Variants in GAB1 observed in about 807,000 individuals in gnomAD.
GAB1 encodes the protein GRB2 associated binding protein 1.
GAB1 carries 19 observed loss-of-function variants against 66.5 expected under a neutral mutation model. That is an observed-to-expected ratio of 0.29 (90% CI 0.20 to 0.42). GAB1 has a LOEUF of 0.42. GAB1 is among the 10% of genes least tolerant of loss of function. GAB1 has a pLI of 1.00. For synonymous variants in GAB1, 294 were observed against 301.4 expected (o/e 0.98, Z 0.25); for missense variants, 732 against 858.5 (o/e 0.85, Z 1.84).
chr4:143,336,977 G>A lies in GAB1; in HGVS notation c.-212G>A, dbSNP rs1728671798. 6.3e-6 allele frequency: 3 copies of A among 477,792 alleles called. No homozygotes were observed. Among genetic ancestry groups the A allele is most frequent in the Non-Finnish European group, 1.1e-5 (3 of 269,778 alleles). 29.6% of individuals were successfully genotyped at this position (477,792 alleles called of 1,614,324 possible). A position where few individuals can be genotyped will look rare whatever the true frequency, so the allele number is the denominator to read the frequency against. The stretch of plus-strand genomic sequence containing the variant: ...AGGAGGCCGGCGCGCCCGCGGCCCC[G>A]GCTCGCGTTCTGTTCAGGTTCGTGG... On this transcript the variant is annotated 5_prime_UTR_variant, in exon 1 of 10. Transcript: ENST00000262994.
At chr4:143,397,938 C>T (rs1206783185) in intron 1 of GAB1, among the ~76,000 whole-genome samples, 3 of 152,054 alleles carry the variant, frequency 2.0e-5, no homozygotes, top group African/African-American at 7.3e-5. Flanking sequence ...GGGTTTTGTC[C>T]AAAGGGAAAA....
chr4:143,383,189 T>A (rs1479825124), intron 1 of GAB1, among the ~76,000 whole-genome samples: 1 of 152,210 alleles, frequency 6.6e-6, no homozygotes, highest in African/African-American at 2.4e-5. Context: ...TTGTAATGAC[T>A]CTGGCCCACT....
At chr4:143,390,395 A>C (rs1003763047) in intron 1 of GAB1, among the ~76,000 whole-genome samples, 4 of 151,986 alleles carry the variant, frequency 2.6e-5, no homozygotes, top group African/African-American at 9.7e-5. Flanking sequence ...ATAATTTGTA[A>C]AGTAATAAGT....
chr4:143,463,445 A>G (rs1735605755), intron 8 of GAB1, among the ~76,000 whole-genome samples: 1 of 152,042 alleles, frequency 6.6e-6, no homozygotes, highest in African/African-American at 2.4e-5. Flanking sequence ...CAACATGGAT[A>G]AACCCCGTCT....
intron 1 of GAB1, among the ~76,000 whole-genome samples, chr4:143,338,713 G>GTGTGTGTGTA (rs1728736607): frequency 5.5e-5 from 1 of 18,108 alleles, no homozygotes; most frequent in South Asian, 9.6e-4. Flanking sequence ...AAAGGTAGGG[G>GTGTGTGTGTA]TGTGTGTGTG....
At chr4:143,387,116 G>T (rs1730952976) in intron 1 of GAB1, among the ~76,000 whole-genome samples, 2 of 151,264 alleles carry the variant, frequency 1.3e-5, no homozygotes, top group African/African-American at 4.9e-5. Context: ...GCAGGTGATT[G>T]GTTTTTTGTT....
Position 143,425,656 on chromosome 4 carries a change from G to C in GAB1, c.368-7835G>C, listed in dbSNP as rs1733313599. 6.6e-6 allele frequency: 5 copies of C among 760,860 alleles called. No individual in the cohort carries two copies. In the Admixed American group the frequency reaches 8.5e-5, roughly 13 times the overall value. The allele number at this position is 760,860 out of a possible 1,614,324, so 47.1% of individuals were successfully genotyped here. A position where few individuals can be genotyped will look rare whatever the true frequency, so the allele number is the denominator to read the frequency against. Reference sequence around the variant, plus strand: ...GTCATGCCTGAACTCTACTTCTACAGAGATCCTGAAGTGATTAAAAAAGAA... The same window carrying C: ...GTCATGCCTGAACTCTACTTCTACACAGATCCTGAAGTGATTAAAAAAGAA... On this transcript the variant is annotated intron_variant, in intron 2 of 9. Transcript: ENST00000262994.
At chr4:143,399,940 CTT>C (rs34740795) in intron 1 of GAB1, among the ~76,000 whole-genome samples, 3 of 134,758 alleles carry the variant, frequency 2.2e-5, no homozygotes, top group African/African-American at 5.5e-5. Context: ...GAGTCTTGCT[CTT>C]TTTTTTTTTT....
intron 1 of GAB1, among the ~76,000 whole-genome samples, 167 bp downstream of exon 1, chr4:143,337,427 C>T (rs1728698063): frequency 6.6e-6 from 1 of 152,194 alleles, no homozygotes; most frequent in Non-Finnish European, 1.5e-5. Context: ...GGGTGCCTTG[C>T]ACTCCCTCAC....
intron 1 of GAB1, among the ~76,000 whole-genome samples, chr4:143,369,398 A>C (rs183798623): frequency 6.6e-6 from 1 of 152,326 alleles, no homozygotes; most frequent in Non-Finnish European, 1.5e-5. Context: ...GCTCTTACCA[A>C]GCACTTTAAT....
intron 6 of GAB1, chr4:143,457,787 G>A (rs757424212): frequency 9.9e-6 from 13 of 1,311,714 alleles, no homozygotes; most frequent in East Asian, 4.8e-5. Context: ...CTTTAGCACC[G>A]CATGCTGTAT....
intron 6 of GAB1, among the ~76,000 whole-genome samples, chr4:143,459,055 T>C (rs1187472161): frequency 6.6e-6 from 1 of 152,078 alleles, no homozygotes; most frequent in African/African-American, 2.4e-5. Flanking sequence ...ATGAAACATA[T>C]AAAGCAACCA....
At chr4:143,396,639 G>A (rs908344110) in intron 1 of GAB1, among the ~76,000 whole-genome samples, 1 of 152,158 alleles carries the variant, frequency 6.6e-6, no homozygotes, top group Non-Finnish European at 1.5e-5. Flanking sequence ...CATATTATTT[G>A]GAAATATGGG....
chr4:143,402,489 A>G (rs1467028134), intron 1 of GAB1, among the ~76,000 whole-genome samples: 1 of 152,172 alleles, frequency 6.6e-6, no homozygotes, highest in Non-Finnish European at 1.5e-5. Flanking sequence ...CAGCATGTAC[A>G]GTCTTAGGAA....
intron 6 of GAB1, among the ~76,000 whole-genome samples, chr4:143,458,152 A>G (rs970867590): frequency 2.6e-5 from 4 of 152,144 alleles, no homozygotes; most frequent in African/African-American, 9.6e-5. Context: ...TAATTGTGCC[A>G]TTATTTAAAA....
At chr4:143,443,014 CTT>C (rs755148605) in intron 6 of GAB1, among the ~76,000 whole-genome samples, 3 of 126,752 alleles carry the variant, frequency 2.4e-5, no homozygotes, top group Non-Finnish European at 5.0e-5. Flanking sequence ...TACTATTTTA[CTT>C]TTTTTTTTTT....
At chr4:143,448,777 G>T (rs888086995) in intron 6 of GAB1, among the ~76,000 whole-genome samples, 8 of 151,198 alleles carry the variant, frequency 5.3e-5, no homozygotes, top group Non-Finnish European at 7.4e-5. Context: ...GGTTTTTTGT[G>T]TCTCTATTTC....
chr4:143,412,214 TA>T (rs1013448313), intron 1 of GAB1, among the ~76,000 whole-genome samples: 2 of 152,212 alleles, frequency 1.3e-5, no homozygotes, highest in African/African-American at 4.8e-5. Context: ...GAGTGACACA[TA>T]AGCTGTAGCA....
intron 1 of GAB1, chr4:143,395,310 GTTCAATAAATA>G (rs1731389185): frequency 6.6e-6 from 1 of 152,528 alleles, no homozygotes; most frequent in African/African-American, 2.4e-5. Context: ...AGTGGAACAT[GTTCAATAAATA>G]TTCAATAAAT....
Sources: allele counts gnomAD v4.1 joint callset (sites outside exome capture counted in the v4.1 genomes callset), GRCh38; gene constraint gnomAD v4.1.1; transcripts MANE v1.5; gene names NCBI Gene and HGNC (gene_info 2026-07-23, HGNC 2026-07-21).